PIP5KL1: variants seen among roughly 807,000 people sequenced by gnomAD.
The protein encoded by PIP5KL1 is phosphatidylinositol 4-phosphate 5-kinase-like protein 1.
PIP5KL1 carries 45 observed loss-of-function variants against 47.6 expected under a neutral mutation model. The observed-to-expected ratio is 0.94, with a 90% CI of 0.74 to 1.21. The LOEUF (loss-of-function observed/expected upper bound fraction) is 1.21. Ranked by LOEUF, PIP5KL1 falls within the 50% of genes most tolerant of loss-of-function variation. The probability of loss-of-function intolerance (pLI) is 0.00; values close to 1 mark genes in which losing one functional copy is unlikely to be tolerated. For synonymous variants in PIP5KL1, 256 were observed against 234.6 expected (o/e 1.09, Z -0.84); for missense variants, 577 against 547.6 (o/e 1.05, Z -0.54).
rs1162035709 is a variant in PIP5KL1 at position 127,921,555 on chromosome 9, C to A, written c.*292G>T. On this transcript the variant is annotated 3_prime_UTR_variant, in exon 10 of 10. Transcript: ENST00000388747. ...TGAGTCCTGGTTCCAGCATTTATTG[C>A]TGAATGATCTTGATCAGTCCCTTCA... The A allele has an allele frequency of 5.5e-6, 2 of 362,110 alleles. No individual in the cohort carries two copies. Among genetic ancestry groups the A allele is most frequent in the Non-Finnish European group, 1.0e-5 (2 of 197,372 alleles). 22.4% of individuals were successfully genotyped at this position (362,110 alleles called of 1,614,324 possible).
chr9:127,928,218 C>A lies in PIP5KL1; in HGVS notation c.281G>T (p.Gly94Val). 1.3e-6 allele frequency: 2 copies of A among 1,535,198 alleles called. No individual in the cohort carries two copies. Among genetic ancestry groups the A allele is most frequent in the Non-Finnish European group, 1.8e-6 (2 of 1,141,210 alleles). ...GCCGGCCAGCGTGCCCAGCTCGAAG[C>A]CCTGCAGGGGAGGAAGAGCCTCCTC... ...FSEVLTQVHE[G>V]FELGTLAGPA... The change falls in exon 4 of 10, where the codon GGC becomes GTC. Residue 94 changes from glycine to valine, a missense_variant and splice_region_variant. By Grantham distance (109) the Gly-to-Val change is moderately radical. Coordinates refer to ENST00000388747, the MANE Select transcript of PIP5KL1 (RefSeq NM_001135219.2).
chr9:127,929,397 A>C lies in PIP5KL1; in HGVS notation c.228+291T>G, dbSNP rs1277740577. Among the ~76,000 whole-genome samples, 1 of 152,028 alleles carries C rather than the reference A, an allele frequency of 6.6e-6. No individual in the cohort carries two copies. Among genetic ancestry groups the C allele is most frequent in the Non-Finnish European group, 1.5e-5 (1 of 67,984 alleles). ...ACCCTGGCAGGGCTGGGAGGGCCTC[A>C]GAAACCAAGGAGTATAATCTCCCCC... On this transcript the variant is annotated intron_variant, in intron 2 of 9. Transcript: ENST00000388747. This position sits in a 1 kb window ranked among gnomAD's most constrained non-coding sequence, Gnocchi z 4.0.
In PIP5KL1 at chr9:127,922,082, G is replaced by A. The variant is rs1328177452; in HGVS notation, c.950C>T (p.Ser317Leu). 1.9e-6 allele frequency: 3 copies of A among 1,555,562 alleles called. No homozygotes were observed. Among genetic ancestry groups the A allele is most frequent in the South Asian group, 1.2e-5 (1 of 85,152 alleles). Reference sequence around the variant, plus strand: ...CAGCAGCCGGCGGTTTTGGGCTCTCGACTCTTCCGGGCTCTGTGCCCCTTG... The same window carrying A: ...CAGCAGCCGGCGGTTTTGGGCTCTCAACTCTTCCGGGCTCTGTGCCCCTTG... ...SVQGAQSPEE[S>L]RAQNRRLLPD... is the part of the protein sequence containing the mutation. Residue 317 changes from serine (S) to leucine (L), a missense_variant, in exon 10 of 10, where the codon TCG becomes TTG. Ser to Leu is a moderately radical substitution (Grantham distance 145, BLOSUM62 -2). Coordinates refer to ENST00000388747, the MANE Select transcript of PIP5KL1 (RefSeq NM_001135219.2).
At position 127,927,246 on chromosome 9, in the gene PIP5KL1, C is replaced by A. The variant is rs1440888385; in HGVS notation, c.595-38G>T. 4.3e-6 allele frequency: 7 copies of A among 1,611,272 alleles called. No homozygotes were observed. The highest frequency in any genetic ancestry group is 5.9e-6 in the Non-Finnish European group (7 of 1,179,260). On this transcript the variant is annotated intron_variant, in intron 6 of 9. Transcript: ENST00000388747. This position sits in a 1 kb window ranked among gnomAD's most constrained non-coding sequence, Gnocchi z 5.5. ...ACAGGGAGTGAGGGAGGCCGGCTGT[C>A]GCCCTCCAGCCGCCCGCTCCGCCCA...
chr9:127,930,615 C>G, intron 1 of PIP5KL1, 108 bp downstream of exon 1: 1 of 1,320,996 alleles, frequency 7.6e-7, no homozygotes. Context: ...GGCTGCAGGG[C>G]CCCTCCCAGG....
chr9:127,928,105 A>G lies in PIP5KL1; in HGVS notation c.394T>C (p.Phe132Leu). 5.1e-6 allele frequency: 8 copies of G among 1,572,530 alleles called. No individual in the cohort carries two copies. Among genetic ancestry groups the G allele is most frequent in the Non-Finnish European group, 6.9e-6 (8 of 1,160,876 alleles). The change falls in exon 4 of 10, where the codon TTC becomes CTC. Residue 132 changes from phenylalanine (F) to leucine (L), a missense_variant. Phe to Leu is a conservative substitution (Grantham distance 22, BLOSUM62 0). Coordinates refer to ENST00000388747, the MANE Select transcript of PIP5KL1 (RefSeq NM_001135219.2). ...ALGPGGPYLQFLSTSKSKASF... is the reference protein window; with the variant it reads ...ALGPGGPYLQLLSTSKSKASF... The stretch of plus-strand genomic sequence containing the variant: ...GCCTTGCTCTTGGAGGTGCTGAGGA[A>G]CTGCAGGTAGGGGCCGCCGGGGCCC...
In PIP5KL1 at chr9:127,929,181, C is replaced by G. The variant is rs1831404603; in HGVS notation, c.228+507G>C. 6.6e-6 allele frequency among the ~76,000 whole-genome samples: 1 copy of G among 152,196 alleles called. No homozygotes were observed. Among genetic ancestry groups the G allele is most frequent in the South Asian group, 2.1e-4 (1 of 4,834 alleles). ...CCAGGTCCCTGTGCCCGGATGTGGT[C>G]TGTGGAATGTGGTCCCACTGCGCAC... On this transcript the variant is annotated intron_variant, in intron 2 of 9. Transcript: ENST00000388747. The surrounding 1 kb of genome is among the most constrained non-coding windows in gnomAD (Gnocchi z 4.0).
intron 9 of PIP5KL1, among the ~76,000 whole-genome samples, chr9:127,923,264 GAA>G (rs1831316263): frequency 6.6e-6 from 1 of 152,190 alleles, no homozygotes; most frequent in African/African-American, 2.4e-5. Context: ...AGACCAATGA[GAA>G]AAAAGCCCTG....
At chr9:127,930,575 C>G (rs1277691107) in intron 1 of PIP5KL1, 148 bp downstream of exon 1, 1 of 979,538 alleles carries the variant, frequency 1.0e-6, no homozygotes, top group Admixed American at 4.0e-5. Context: ...ATACCTGGCG[C>G]CCCGTGTGGG....
intron 7 of PIP5KL1, among the ~76,000 whole-genome samples, chr9:127,926,449 G>A (rs776169251): frequency 2.0e-5 from 3 of 152,012 alleles, no homozygotes; most frequent in Admixed American, 6.6e-5. Flanking sequence ...TAGAGGCAGG[G>A]TCTCACTCTA....
chr9:127,928,231 G>A lies in PIP5KL1; in HGVS notation c.280-12C>T, dbSNP rs555345089. The A allele has an allele frequency of 6.5e-7, 1 of 1,532,350 alleles. No individual in the cohort carries two copies. Among genetic ancestry groups the A allele is most frequent in the Non-Finnish European group, 8.8e-7 (1 of 1,139,980 alleles). 94.9% of individuals were successfully genotyped at this position (1,532,350 alleles called of 1,614,324 possible). A position where few individuals can be genotyped will look rare whatever the true frequency, so the allele number is the denominator to read the frequency against. On this transcript the variant is annotated splice_polypyrimidine_tract_variant and intron_variant, in intron 3 of 9. Coordinates refer to ENST00000388747, the MANE Select transcript of PIP5KL1 (RefSeq NM_001135219.2). ...CCCAGCTCGAAGCCCTGCAGGGGAG[G>A]AAGAGCCTCCTCTGGAGTGTCTGCG...
rs1236597858 is a variant in PIP5KL1, at chr9:127,922,135, G to T, written c.918-21C>A. ...CAGACCTGGGGGCCGACAGGAGGGTGAAGCTGCCAGCTCCTCCAGGAAGCC... is the reference window on the plus strand; with the variant it reads ...CAGACCTGGGGGCCGACAGGAGGGTTAAGCTGCCAGCTCCTCCAGGAAGCC... On this transcript the variant is annotated intron_variant, in intron 9 of 9. Coordinates refer to ENST00000388747, the MANE Select transcript of PIP5KL1 (RefSeq NM_001135219.2). 7.5e-6 allele frequency: 11 copies of T among 1,463,798 alleles called. No individual in the cohort carries two copies. The South Asian group carries it at 1.5e-4, about 20-fold the overall frequency. 90.7% of individuals were successfully genotyped at this position (1,463,798 alleles called of 1,614,324 possible).
Position 127,927,528 on chromosome 9 carries a change from C to T in PIP5KL1, c.559+120G>A, listed in dbSNP as rs2131639912. The T allele has an allele frequency of 2.1e-6, 3 of 1,440,434 alleles. No individual in the cohort carries two copies. The allele number at this position is 1,440,434 out of a possible 1,614,324, so 89.2% of individuals were successfully genotyped here. ...GGTGCCCCGCCCCCACGTATGGCCCCACCCCCATGCCCTACAACCCCAAAT... is the reference window on the plus strand; with the variant it reads ...GGTGCCCCGCCCCCACGTATGGCCCTACCCCCATGCCCTACAACCCCAAAT... On this transcript the variant is annotated intron_variant, in intron 5 of 9. Coordinates refer to ENST00000388747, the MANE Select transcript of PIP5KL1 (RefSeq NM_001135219.2). This position sits in a 1 kb window ranked among gnomAD's most constrained non-coding sequence, Gnocchi z 5.5.
rs1471003679 is a variant in PIP5KL1, at chr9:127,927,486, C to T, written c.560-155G>A. On this transcript the variant is annotated intron_variant, in intron 5 of 9. Coordinates refer to ENST00000388747, the MANE Select transcript of PIP5KL1 (RefSeq NM_001135219.2). This position sits in a 1 kb window ranked among gnomAD's most constrained non-coding sequence, Gnocchi z 5.5. ...TCCGGATCCCGACCCGATCCCACCC[C>T]TAAACACAGCCCCAGTGGTGCCCCG... is the stretch of plus-strand genomic sequence containing the variant. The T allele has an allele frequency of 6.8e-7, 1 of 1,465,988 alleles. No homozygotes were observed. The highest frequency in any genetic ancestry group is 1.4e-5 in the African/African-American group (1 of 71,128). 90.8% of individuals were successfully genotyped at this position (1,465,988 alleles called of 1,614,324 possible). A position where few individuals can be genotyped will look rare whatever the true frequency, so the allele number is the denominator to read the frequency against.
Position 127,921,901 on chromosome 9 carries a change from G to T in PIP5KL1, c.1131C>A (p.Ser377Arg). The change falls in exon 10 of 10, where the codon AGC (serine) becomes AGA (arginine). Residue 377 changes from serine (S) to arginine (R), a missense_variant. Transcript: ENST00000388747. ...AGAGGCGACGGGCGTAGCGAGCCGG[G>T]CTGACAGTGGAGAAGGTCCGGCCTG... ...RYPGRTFSTV[S>R]PARYARRLCQ... 6.3e-7 allele frequency: 1 copy of T among 1,576,358 alleles called. No homozygotes were observed.
In PIP5KL1 at chr9:127,929,250, G is replaced by A. The variant is rs750423340; in HGVS notation, c.228+438C>T. Reference sequence around the variant, plus strand: ...ACCACACACATGCTCACCCAGGCCCGCCCAGCTGCTGAGCTTGCAGTTGGG... The same window carrying A: ...ACCACACACATGCTCACCCAGGCCCACCCAGCTGCTGAGCTTGCAGTTGGG... On this transcript the variant is annotated intron_variant, in intron 2 of 9. Coordinates refer to ENST00000388747, the MANE Select transcript of PIP5KL1 (RefSeq NM_001135219.2). This position sits in a 1 kb window ranked among gnomAD's most constrained non-coding sequence, Gnocchi z 4.0. 8.5e-5 allele frequency among the ~76,000 whole-genome samples: 13 copies of A among 152,166 alleles called. No homozygotes were observed. The highest frequency in any genetic ancestry group is 2.1e-4 in the South Asian group (1 of 4,814).
intron 8 of PIP5KL1, 62 bp from the exon 9 acceptor site, chr9:127,925,322 C>T (rs1029869037): frequency 7.7e-6 from 12 of 1,565,566 alleles, no homozygotes; most frequent in Non-Finnish European, 1.0e-5. Flanking sequence ...GTGCTCCACA[C>T]ACTCTGCCCC....
rs762735434 is a variant in PIP5KL1, at chr9:127,925,879, T to C, written c.751A>G (p.Thr251Ala). The stretch of plus-strand genomic sequence containing the variant: ...CCCCGTGGCTCACCCAGGTTGATGG[T>C]CTTGCCCTGAAAGTTGAGGTCCTTC... The part of the protein sequence containing the change: ...VLKDLNFQGK[T>A]INLGPQRSWF... The change falls in exon 8 of 10, where the codon ACC becomes GCC. Residue 251 changes from threonine (T) to alanine (A), a missense_variant. By Grantham distance (58) the Thr-to-Ala change is moderately conservative. Transcript: ENST00000388747. 1 of 1,614,008 alleles carries C rather than the reference T, an allele frequency of 6.2e-7. No homozygotes were observed. The highest frequency in any genetic ancestry group is 8.5e-7 in the Non-Finnish European group (1 of 1,179,956).
In PIP5KL1 at chr9:127,925,146, T is replaced by G; in HGVS notation, c.878A>C (p.Glu293Ala). The change falls in exon 9 of 10, where the codon GAG becomes GCG. Residue 293 changes from glutamate to alanine, a missense_variant. Physicochemically the swap from Glu to Ala is moderately radical, Grantham distance 107 (BLOSUM62 -1). Transcript: ENST00000388747. The stretch of plus-strand genomic sequence containing the variant: ...GATGAGGCTGCTGCCCGGGCCCCTC[T>G]CATCCTCGTGGAGACGTTGGAAGGC... ...LIAFQRLHED[E>A]RGPGSSLIFR... The G allele has an allele frequency of 6.2e-7, 1 of 1,614,106 alleles. No individual in the cohort carries two copies. Among genetic ancestry groups the G allele is most frequent in the African/African-American group, 1.3e-5 (1 of 75,048 alleles).
Sources: allele counts gnomAD v4.1 joint callset (sites outside exome capture counted in the v4.1 genomes callset), GRCh38; gene constraint gnomAD v4.1.1; non-coding constraint Gnocchi (gnomAD v3.1); transcripts MANE v1.5; gene names NCBI Gene and HGNC (gene_info 2026-07-23, HGNC 2026-07-21).